Variants in UBAP2L observed in about 807,000 individuals in gnomAD.
The protein encoded by UBAP2L is ubiquitin-associated protein 2-like.
In UBAP2L, 12 loss-of-function variants were observed where a neutral mutation model predicts 130.6. The observed-to-expected ratio is 0.09, with a 90% CI of 0.06 to 0.15. The LOEUF (loss-of-function observed/expected upper bound fraction) is 0.15. UBAP2L is among the 10% of genes least tolerant of loss of function. The pLI, the probability that UBAP2L is intolerant of heterozygous loss-of-function variation, is 1.00. For missense variants in UBAP2L, 965 were observed against 1,332.5 expected (o/e 0.72, Z 4.29); for synonymous variants, 503 against 524.7 (o/e 0.96, Z 0.57).
At chr1:154,266,692 T>C in intron 25 of UBAP2L, 124 bp downstream of exon 25, 1 of 1,009,018 alleles carries the variant, frequency 9.9e-7, no homozygotes, top group Non-Finnish European at 1.5e-6. Flanking sequence ...CCATCCTACT[T>C]TTTCTAAATG....
intron 3 of UBAP2L, among the ~76,000 whole-genome samples, chr1:154,228,324 A>G (rs1327424405): frequency 6.6e-6 from 1 of 151,974 alleles, no homozygotes. Context: ...AGTAGCTAGG[A>G]TTACAGGCGC....
At chr1:154,259,262 G>A (rs1435298519) in intron 21 of UBAP2L, among the ~76,000 whole-genome samples, 6 of 151,976 alleles carry the variant, frequency 3.9e-5, no homozygotes, top group Admixed American at 3.9e-4. Flanking sequence ...TGTGATCTTG[G>A]CTCATTGCAA....
At position 154,225,102 on chromosome 1, in the gene UBAP2L, C is replaced by G; in HGVS notation, c.-22C>G. ...CTTTCAGTATTCTACCTTGTAAATA[C>G]TGTTATTTGTATATACTGTAAATGA... On this transcript the variant is annotated 5_prime_UTR_variant, in exon 2 of 27. Transcript: ENST00000428931. 1 of 1,612,704 alleles carries G rather than the reference C, an allele frequency of 6.2e-7. No individual in the cohort carries two copies. The highest frequency in any genetic ancestry group is 1.1e-5 in the South Asian group (1 of 91,040).
In UBAP2L at chr1:154,253,960, A is replaced by G. The variant is rs1299965128; in HGVS notation, c.1725A>G (p.Pro575=). 1 of 1,614,050 alleles carries G rather than the reference A, an allele frequency of 6.2e-7. No individual in the cohort carries two copies. The highest frequency in any genetic ancestry group is 8.5e-7 in the Non-Finnish European group (1 of 1,180,022). Residue 575 remains proline, a synonymous_variant, in exon 15 of 27, where the codon CCA becomes CCG. Transcript: ENST00000428931. ...AGGAGTCTGGTTATCAGAGCGGCCC[A>G]ATTCAGTCGACAACCTATACCTCCC... The part of the protein sequence containing the change: ...QSQESGYQSG[P]IQSTTYTSQN...
intron 26 of UBAP2L, among the ~76,000 whole-genome samples, chr1:154,269,875 C>T (rs1684357497): frequency 6.6e-6 from 1 of 152,088 alleles, no homozygotes; most frequent in Non-Finnish European, 1.5e-5. Flanking sequence ...ATGAAATTGC[C>T]TTGTGATCAC....
intron 4 of UBAP2L, among the ~76,000 whole-genome samples, chr1:154,233,251 G>A (rs1376240589): frequency 6.6e-6 from 1 of 151,812 alleles, no homozygotes; most frequent in Admixed American, 6.6e-5. Flanking sequence ...TTGACCTCAG[G>A]CAATCCACTC....
At chr1:154,270,965 A>G, downstream of UBAP2L, 1 of 1,545,674 alleles carries the variant, frequency 6.5e-7, no homozygotes, top group Non-Finnish European at 8.7e-7. Context: ...CCCTGAAGGC[A>G]GTGGAATAAA....
chr1:154,243,094 G>A (rs913672360), intron 9 of UBAP2L, 123 bp from the exon 10 acceptor site: 7 of 726,436 alleles, frequency 9.6e-6, no homozygotes, highest in Non-Finnish European at 1.7e-5. Context: ...GATTCCTCAG[G>A]GTAGATAGTT....
At chr1:154,266,320 A>C in intron 24 of UBAP2L, 181 bp from the exon 25 acceptor site, 1 of 675,782 alleles carries the variant, frequency 1.5e-6, no homozygotes, top group East Asian at 2.5e-5. Flanking sequence ...GGGCCAAAGA[A>C]CCCTTAGGGA....
chr1:154,254,420 A>G (rs1678919422), intron 15 of UBAP2L, among the ~76,000 whole-genome samples: 2 of 152,322 alleles, frequency 1.3e-5, no homozygotes, highest in South Asian at 4.1e-4. Flanking sequence ...AAGTCCTGGC[A>G]TGGTGAGGGA....
At chr1:154,227,949 G>A (rs763725746) in intron 3 of UBAP2L, among the ~76,000 whole-genome samples, 1 of 152,098 alleles carries the variant, frequency 6.6e-6, no homozygotes, top group Non-Finnish European at 1.5e-5. Context: ...GCAGTTGTGG[G>A]TATAGGAAAT....
intron 1 of UBAP2L, among the ~76,000 whole-genome samples, chr1:154,222,913 C>T (rs1282837692): frequency 6.6e-6 from 1 of 152,180 alleles, no homozygotes; most frequent in Non-Finnish European, 1.5e-5. Flanking sequence ...TGTTTACTCT[C>T]GCACGATTTC....
At chr1:154,237,200 T>A in intron 8 of UBAP2L, 64 bp downstream of exon 8, 1 of 1,407,220 alleles carries the variant, frequency 7.1e-7, no homozygotes, top group Non-Finnish European at 1.0e-6. Flanking sequence ...TTTTTCTGAT[T>A]ATACTTACAT....
downstream of UBAP2L, chr1:154,271,192 G>T (rs989343150): frequency 1.9e-5 from 8 of 416,056 alleles, no homozygotes; most frequent in Non-Finnish European, 3.4e-5. Flanking sequence ...AAATGGAGAG[G>T]ATCAAGAAGG....
At chr1:154,254,992 T>C (rs1468358288) in intron 16 of UBAP2L, 102 bp downstream of exon 16, 1 of 1,446,092 alleles carries the variant, frequency 6.9e-7, no homozygotes, top group Non-Finnish European at 9.4e-7. Flanking sequence ...AGACCCATGC[T>C]GTGTAATTCT....
Position 154,257,058 on chromosome 1 carries a change from T to G in UBAP2L, c.2158-5T>G. The G allele has an allele frequency of 1.9e-6, 3 of 1,611,426 alleles. No individual in the cohort carries two copies. The highest frequency in any genetic ancestry group is 1.7e-6 in the Non-Finnish European group (2 of 1,178,906). ...TTCTCTCTTCCACTGCTCCCCCTTTTGAAGCACACAAGTGTGGAGAGTGAG... is the reference window on the plus strand; with the variant it reads ...TTCTCTCTTCCACTGCTCCCCCTTTGGAAGCACACAAGTGTGGAGAGTGAG... On this transcript the variant is annotated splice_region_variant and splice_polypyrimidine_tract_variant and intron_variant, in intron 18 of 26. Transcript: ENST00000428931.
intron 8 of UBAP2L, among the ~76,000 whole-genome samples, chr1:154,240,873 C>T (rs1673298255): frequency 6.6e-6 from 1 of 151,216 alleles, no homozygotes; most frequent in South Asian, 2.1e-4. Flanking sequence ...ACTGAATTGA[C>T]CACTAAATCA....
chr1:154,251,699 A>G, intron 14 of UBAP2L, 46 bp downstream of exon 14: 4 of 1,602,014 alleles, frequency 2.5e-6, no homozygotes, highest in East Asian at 2.2e-5. Context: ...AACCTTTACT[A>G]CTTTTTTAAT....
intron 14 of UBAP2L, 62 bp downstream of exon 14, chr1:154,251,715 G>A: frequency 6.3e-7 from 1 of 1,587,656 alleles, no homozygotes; most frequent in East Asian, 2.2e-5. Context: ...TTAATCTGTG[G>A]GAGATTTCTA....
Sources: gnomAD v4.1 joint callset for allele counts (sites outside exome capture counted in the v4.1 genomes callset) on GRCh38, gnomAD v4.1.1 for gene constraint, MANE v1.5 for transcripts, NCBI Gene and HGNC (gene_info 2026-07-23, HGNC 2026-07-21) for gene names.